Variants in COA6 observed in about 807,000 individuals in gnomAD.
The protein encoded by COA6 is cytochrome c oxidase assembly factor 6 homolog.
A neutral mutation model predicts 17.1 loss-of-function variants in COA6; 12 were observed. The ratio of observed to expected loss-of-function variants is 0.70; its 90% CI spans 0.45 to 1.14. COA6 has a LOEUF of 1.14. Ranked by LOEUF, COA6 falls within the 50% of genes most tolerant of loss-of-function variation. COA6 has a pLI of 0.00. For synonymous variants in COA6, 90 were observed against 73.4 expected (o/e 1.23, Z -1.16); for missense variants, 246 against 196.5 (o/e 1.25, Z -1.51).
In COA6 at chr1:234,374,287, G is replaced by A. The variant is rs1412237426; in HGVS notation, c.270G>A (p.Gly90=). 7 of 1,613,880 alleles carry A rather than the reference G, an allele frequency of 4.3e-6. No homozygotes were observed. The highest frequency in any genetic ancestry group is 4.2e-6 in the Non-Finnish European group (5 of 1,180,002). The change falls in exon 2 of 3, where the codon GGG becomes GGA. Residue 90 remains glycine (G), a synonymous_variant. Transcript: ENST00000366615. The part of the protein sequence containing the change: ...PSMKERQVCW[G]ARDEYWKCLD... Reference sequence around the variant, plus strand: ...TGAAGGAAAGACAGGTCTGCTGGGGGGCCCGGGATGAGTACTGGAAGTGTT... The same window carrying A: ...TGAAGGAAAGACAGGTCTGCTGGGGAGCCCGGGATGAGTACTGGAAGTGTT...
In COA6 at chr1:234,374,259, C is replaced by G; in HGVS notation, c.242C>G (p.Ser81Cys). The G allele has an allele frequency of 6.2e-7, 1 of 1,613,228 alleles. No homozygotes were observed. The highest frequency in any genetic ancestry group is 8.5e-7 in the Non-Finnish European group (1 of 1,179,834). ...ATCGCAGTAGGAATGGCAGCCCCAT[C>G]TATGAAGGAAAGACAGGTCTGCTGG... is the stretch of plus-strand genomic sequence containing the variant. ...SFIAVGMAAPSMKERQVCWGA... is the reference protein window; with the variant it reads ...SFIAVGMAAPCMKERQVCWGA... The change falls in exon 2 of 3, where the codon TCT becomes TGT. Residue 81 changes from serine (S) to cysteine (C), a missense_variant. Coordinates refer to ENST00000366615, the MANE Select transcript of COA6 (RefSeq NM_001206641.3).
chr1:234,373,672 C>T lies in COA6; in HGVS notation c.206C>T (p.Ala69Val). The change falls in exon 1 of 3, where the codon GCA becomes GTA. Residue 69 changes from alanine (A) to valine (V), a missense_variant. Coordinates refer to ENST00000366615, the MANE Select transcript of COA6 (RefSeq NM_001206641.3). ...RHRKEAGRGR[A>V]ESFIAVGMAA... is the part of the protein sequence containing the mutation. ...CGAAAGGAAGCCGGACGTGGGCGGG[C>T]AGAGAGGTCGGCTTGCTGATGGGTC... 6.2e-7 allele frequency: 1 copy of T among 1,612,772 alleles called. No homozygotes were observed.
chr1:234,380,943 T>C (rs550677252), intron 2 of COA6, among the ~76,000 whole-genome samples: 189 of 152,326 alleles, frequency 1.2e-3, no homozygotes, highest in African/African-American at 3.7e-3. Flanking sequence ...GAGGTTGCAG[T>C]GAGCCAAGAT....
intron 2 of COA6, among the ~76,000 whole-genome samples, chr1:234,376,368 C>T (rs926254328): frequency 1.3e-5 from 2 of 152,204 alleles, no homozygotes; most frequent in African/African-American, 2.4e-5. Flanking sequence ...TGGGTGCCAT[C>T]CCCTGAGGCC....
chr1:234,383,598 A>ACACAC, intron 2 of COA6, 125 bp from the exon 3 acceptor site: 59 of 592,652 alleles, frequency 1.0e-4, no homozygotes, highest in African/African-American at 2.6e-4. Context: ...ACACACACAC[A>ACACAC]AAATGGTTCT....
chr1:234,374,473 C>G, intron 2 of COA6, 84 bp downstream of exon 2: 1 of 1,363,104 alleles, frequency 7.3e-7, no homozygotes. Flanking sequence ...ATGAAGCGCT[C>G]TCTGAGGCAT....
chr1:234,383,472 A>G (rs1659038803), intron 2 of COA6, among the ~76,000 whole-genome samples: 1 of 152,034 alleles, frequency 6.6e-6, no homozygotes. Flanking sequence ...CCAACATGGC[A>G]CATGTATACA....
Position 234,385,016 on chromosome 1 carries a change from A to G in COA6, c.*1198A>G, listed in dbSNP as rs1659085951. ...TGCAATAGCATTATGTCTGCTCAGT[A>G]TATATGCCTTCATTTTAAAATACTT... On this transcript the variant is annotated 3_prime_UTR_variant, in exon 3 of 3. Coordinates refer to ENST00000366615, the MANE Select transcript of COA6 (RefSeq NM_001206641.3). 6.6e-6 allele frequency among the ~76,000 whole-genome samples: 1 copy of G among 151,082 alleles called. No homozygotes were observed. The highest frequency in any genetic ancestry group is 6.7e-5 in the Admixed American group (1 of 14,894).
chr1:234,376,014 G>T (rs751022176), intron 2 of COA6, among the ~76,000 whole-genome samples: 5 of 152,104 alleles, frequency 3.3e-5, no homozygotes, highest in Non-Finnish European at 7.4e-5. Flanking sequence ...AACCTATCTC[G>T]TGGGATTGTT....
At chr1:234,373,718 T>C (rs768887003) in intron 1 of COA6, 40 bp downstream of exon 1, 1 of 1,613,860 alleles carries the variant, frequency 6.2e-7, no homozygotes, top group Non-Finnish European at 8.5e-7. Context: ...GCGCGTGGAC[T>C]ATGGGCCCGG....
rs576336222 is a variant in COA6 at position 234,380,998 on chromosome 1, AAAAAT to A, written c.373-2710_373-2706del. On this transcript the variant is annotated intron_variant, in intron 2 of 2. Transcript: ENST00000366615. ...TTGGGTGACAGAGTAAGACTGTCTC[AAAAAT>A]AAAATAAAATAAAAGGCTCCTATTG... 7.9e-5 allele frequency among the ~76,000 whole-genome samples: 12 copies of A among 152,344 alleles called. No individual in the cohort carries two copies. In the East Asian group the frequency reaches 9.6e-4, roughly 12 times the overall value.
intron 2 of COA6, among the ~76,000 whole-genome samples, chr1:234,378,315 A>C (rs1019783292): frequency 6.6e-6 from 1 of 152,198 alleles, no homozygotes; most frequent in Non-Finnish European, 1.5e-5. Context: ...AAATACAGCA[A>C]GGAAAAATAG....
At position 234,377,110 on chromosome 1, in the gene COA6, C is replaced by A. The variant is rs1658827487; in HGVS notation, c.372+2721C>A. Among the ~76,000 whole-genome samples the A allele has an allele frequency of 8.8e-5, 4 of 45,586 alleles. 2 individuals are homozygous for A. Among genetic ancestry groups the A allele is most frequent in the Admixed American group, 5.4e-4 (2 of 3,698 alleles). The allele number at this position is 45,586 out of a possible 152,430, so 29.9% of individuals were successfully genotyped here. A position where few individuals can be genotyped will look rare whatever the true frequency, so the allele number is the denominator to read the frequency against. ...AGAGAGAGAGAGAGAGATCCAGTCT[C>A]TGTCTCCTCTTTTTTTGTTTTTTTT... On this transcript the variant is annotated intron_variant, in intron 2 of 2. Coordinates refer to ENST00000366615, the MANE Select transcript of COA6 (RefSeq NM_001206641.3).
At position 234,373,508 on chromosome 1, in the gene COA6, C is replaced by A. The variant is rs182907076; in HGVS notation, c.42C>A (p.Arg14=). The A allele has an allele frequency of 2.5e-6, 4 of 1,605,182 alleles. No homozygotes were observed. The highest frequency in any genetic ancestry group is 3.4e-6 in the Non-Finnish European group (4 of 1,175,824). The change falls in exon 1 of 3, where the codon CGC becomes CGA. Residue 14 remains arginine (R), a synonymous_variant. Transcript: ENST00000366615. ...RKGQKSPRFR[R]VSCFLRLGRS... ...GTCAAAAGAGTCCGCGGTTTCGCCGCGTGAGTTGCTTTTTGCGGCTGGGGA... is the reference window on the plus strand; with the variant it reads ...GTCAAAAGAGTCCGCGGTTTCGCCGAGTGAGTTGCTTTTTGCGGCTGGGGA...
rs1221907682 is a variant in COA6, at chr1:234,383,572, T to TCACACA, written c.373-151_373-150insCACACA. ...GAAAAACATCATTCATAGTTACAGC[T>TCACACA]GACACACACACACACACACACACAC... On this transcript the variant is annotated intron_variant, in intron 2 of 2. Transcript: ENST00000366615. The TCACACA allele has an allele frequency of 2.2e-5, 8 of 362,824 alleles. No homozygotes were observed. In the African/African-American group the frequency reaches 3.9e-4, roughly 18 times the overall value. The allele number at this position is 362,824 out of a possible 1,614,324, so 22.5% of individuals were successfully genotyped here.
chr1:234,379,329 A>G (rs929463221), intron 2 of COA6, among the ~76,000 whole-genome samples: 20 of 152,054 alleles, frequency 1.3e-4, no homozygotes, highest in Non-Finnish European at 2.1e-4. Flanking sequence ...CCAAGAGGGA[A>G]TGTTCAGAGG....
At chr1:234,373,745 C>A in intron 1 of COA6, 67 bp downstream of exon 1, 5 of 1,613,806 alleles carry the variant, frequency 3.1e-6, no homozygotes, top group Non-Finnish European at 4.2e-6. Flanking sequence ...CCTTACTGTC[C>A]CCGAGCCGCG....
intron 1 of COA6, 92 bp from the exon 2 acceptor site, chr1:234,374,138 A>G: frequency 8.3e-7 from 1 of 1,201,798 alleles, no homozygotes; most frequent in Non-Finnish European, 1.2e-6. Context: ...TTAGTTTTAA[A>G]GGAAGAGGAG....
chr1:234,377,133 T>TTTTTGTTTTTGTTGTTGTTG (rs60899682), intron 2 of COA6, among the ~76,000 whole-genome samples: 1 of 69,546 alleles, frequency 1.4e-5, no homozygotes, highest in African/African-American at 9.2e-5. Context: ...TTTTGTTTTT[T>TTTTTGTTTTTGTTGTTGTTG]TTGTTGTTGT....
Sources: allele counts gnomAD v4.1 joint callset (sites outside exome capture counted in the v4.1 genomes callset), GRCh38; gene constraint gnomAD v4.1.1; transcripts MANE v1.5; gene names NCBI Gene and HGNC (gene_info 2026-07-23, HGNC 2026-07-21).